Variants in ST3GAL5 observed in about 807,000 individuals in gnomAD.
The protein encoded by ST3GAL5 is lactosylceramide alpha-2,3-sialyltransferase.
A neutral mutation model predicts 46.1 loss-of-function variants in ST3GAL5; 25 were observed. The observed-to-expected ratio is 0.54, with a 90% CI of 0.40 to 0.76. The LOEUF is 0.76. Among genes scored for constraint, ST3GAL5 ranks in the 30% least tolerant of loss-of-function variants. ST3GAL5 has a pLI of 0.00. For synonymous variants in ST3GAL5, 182 were observed against 192.7 expected, an observed-to-expected ratio of 0.94 and a Z score of 0.46; for missense variants, 431 against 521.2, an observed-to-expected ratio of 0.83 and a Z score of 1.69.
chr2:85,842,399 A>G (rs1356410257), intron 6 of ST3GAL5, among the ~76,000 whole-genome samples: 1 of 152,166 alleles, frequency 6.6e-6, no homozygotes, highest in Non-Finnish European at 1.5e-5. Context: ...AGAGAACTAA[A>G]AAACCGATGA....
intron 1 of ST3GAL5, among the ~76,000 whole-genome samples, chr2:85,874,776 A>AGAATGAAT (rs539302998): frequency 1.3e-5 from 2 of 150,842 alleles, no homozygotes; most frequent in Admixed American, 6.7e-5. Flanking sequence ...AATGAACAGA[A>AGAATGAAT]GAATGAATGA....
At chr2:85,842,094 G>C (rs534178058) in intron 6 of ST3GAL5, among the ~76,000 whole-genome samples, 2 of 152,182 alleles carry the variant, frequency 1.3e-5, no homozygotes, top group Non-Finnish European at 2.9e-5. Flanking sequence ...TGGGATTAGG[G>C]AACATCTACT....
chr2:85,881,918 C>T (rs1687199200), intron 1 of ST3GAL5, among the ~76,000 whole-genome samples: 1 of 152,242 alleles, frequency 6.6e-6, no homozygotes, highest in Non-Finnish European at 1.5e-5. Flanking sequence ...GAGACCTTCA[C>T]AGCAGTCCCT....
At chr2:85,857,097 A>AAAAAAAAAAAAAAAAAT (rs1558669884) in intron 3 of ST3GAL5, among the ~76,000 whole-genome samples, 1 of 132,290 alleles carries the variant, frequency 7.6e-6, no homozygotes, top group African/African-American at 2.7e-5. Context: ...AAAAAAAAAA[A>AAAAAAAAAAAAAAAAAT]TAGGCACGTA....
chr2:85,848,839 G>GTT (rs1047409176), intron 3 of ST3GAL5: 1 of 155,944 alleles, frequency 6.4e-6, no homozygotes, highest in African/African-American at 2.4e-5. Flanking sequence ...TAAATTTTAT[G>GTT]TTTTTTTTAA....
chr2:85,848,259 T>C, intron 3 of ST3GAL5, 55 bp from the exon 4 acceptor site: 3 of 1,613,034 alleles, frequency 1.9e-6, no homozygotes, highest in Non-Finnish European at 2.5e-6. Flanking sequence ...ATTAAAAATA[T>C]ACTCTTCTAG....
intron 6 of ST3GAL5, among the ~76,000 whole-genome samples, chr2:85,841,589 C>T (rs1682110786): frequency 6.6e-6 from 1 of 152,218 alleles, no homozygotes; most frequent in African/African-American, 2.4e-5. Context: ...CCCGTCTTGG[C>T]TTCCCAAAGT....
intron 3 of ST3GAL5, chr2:85,855,610 A>C (rs1684010926): frequency 6.6e-6 from 1 of 152,256 alleles, no homozygotes. Context: ...TTTCATCAGA[A>C]TTAAAGACTT....
chr2:85,858,933 A>C (rs574408938), intron 3 of ST3GAL5, among the ~76,000 whole-genome samples: 1 of 152,278 alleles, frequency 6.6e-6, no homozygotes, highest in East Asian at 1.9e-4. Context: ...AGGATTCCTT[A>C]GGGGAGCCTT....
In ST3GAL5 at chr2:85,838,234, TGAG is replaced by T. The variant is rs1681644696; in HGVS notation, c.*1907_*1909del. 6.6e-6 allele frequency: 1 copy of T among 152,218 alleles called. No homozygotes were observed. The highest frequency in any genetic ancestry group is 2.4e-5 in the African/African-American group (1 of 41,408). The allele number at this position is 152,218 out of a possible 1,614,324, so 9.4% of individuals were successfully genotyped here. ...GGAGGGATGGGGATGGGAGCAGGCC[TGAG>T]AATGGCTGCAAGCTGACCAAGTGGA... On this transcript the variant is annotated 3_prime_UTR_variant, in exon 7 of 7. Coordinates refer to ENST00000638572, the MANE Select transcript of ST3GAL5 (RefSeq NM_003896.4).
chr2:85,851,387 C>T (rs1446531713), intron 3 of ST3GAL5: 1 of 1,179,732 alleles, frequency 8.5e-7, no homozygotes, highest in Non-Finnish European at 1.1e-6. Context: ...TTTGTTTCAA[C>T]TCGTTTAACA....
chr2:85,878,380 G>A (rs573369120), intron 1 of ST3GAL5, among the ~76,000 whole-genome samples: 10 of 152,254 alleles, frequency 6.6e-5, no homozygotes, highest in African/African-American at 2.2e-4. Flanking sequence ...CTATCATGAC[G>A]GGGGTCATGC....
At chr2:85,848,286 T>C in intron 3 of ST3GAL5, 82 bp from the exon 4 acceptor site, 1 of 1,612,170 alleles carries the variant, frequency 6.2e-7, no homozygotes, top group Non-Finnish European at 8.5e-7. Context: ...ATTTGTCCTA[T>C]GATGTCTGAT....
chr2:85,851,343 C>A, intron 3 of ST3GAL5: 1 of 1,169,388 alleles, frequency 8.6e-7, no homozygotes. Context: ...CATGTCCTGG[C>A]AACGTCTAAA....
intron 1 of ST3GAL5, among the ~76,000 whole-genome samples, chr2:85,863,880 G>A (rs1243202522): frequency 6.6e-6 from 1 of 152,036 alleles, no homozygotes; most frequent in Non-Finnish European, 1.5e-5. Flanking sequence ...GCTAATTTTT[G>A]TATTTTTAGT....
At chr2:85,878,303 C>G (rs1409889599) in intron 1 of ST3GAL5, among the ~76,000 whole-genome samples, 1 of 152,216 alleles carries the variant, frequency 6.6e-6, no homozygotes, top group Non-Finnish European at 1.5e-5. Flanking sequence ...TATCTTACAA[C>G]CCAGTGATAC....
chr2:85,867,796 T>C, intron 1 of ST3GAL5: 1 of 666,814 alleles, frequency 1.5e-6, no homozygotes, highest in South Asian at 1.6e-5. Flanking sequence ...ACGGCAAGAC[T>C]GTTTTGACCT....
Position 85,858,501 on chromosome 2 carries a change from G to A in ST3GAL5, c.318+2680C>T, listed in dbSNP as rs529448256. On this transcript the variant is annotated intron_variant, in intron 3 of 6. Coordinates refer to ENST00000638572, the MANE Select transcript of ST3GAL5 (RefSeq NM_003896.4). The stretch of plus-strand genomic sequence containing the variant: ...AATTTCTGTATTTTTAGTAGAGACG[G>A]GGTTTCACCATGTTGGCCAGGCTGG... 2.0e-5 allele frequency among the ~76,000 whole-genome samples: 3 copies of A among 152,082 alleles called. No individual in the cohort carries two copies. The South Asian group carries it at 6.2e-4, about 31-fold the overall frequency.
At chr2:85,864,739 C>T (rs1168887117) in intron 1 of ST3GAL5, among the ~76,000 whole-genome samples, 3 of 152,184 alleles carry the variant, frequency 2.0e-5, no homozygotes, top group South Asian at 2.1e-4. Flanking sequence ...GGGATTGGTC[C>T]GTCTCCCCCA....
Sources: allele counts gnomAD v4.1 joint callset (sites outside exome capture counted in the v4.1 genomes callset), GRCh38; gene constraint gnomAD v4.1.1; transcripts MANE v1.5; gene names NCBI Gene and HGNC (gene_info 2026-07-23, HGNC 2026-07-21).